Variants in GCNT1 observed in about 807,000 individuals in gnomAD.
The protein encoded by GCNT1 is glucosaminyl (N-acetyl) transferase 1.
GCNT1 carries 16 observed loss-of-function variants against 26.2 expected under a neutral mutation model. The ratio of observed to expected loss-of-function variants is 0.61; its 90% CI spans 0.41 to 0.93. GCNT1 has a LOEUF of 0.93. GCNT1 is among the 40% of genes least tolerant of loss of function. The pLI is 0.00. For synonymous variants in GCNT1, 183 were observed against 190.8 expected (o/e 0.96, Z 0.34); for missense variants, 477 against 526.7 (o/e 0.91, Z 0.92).
chr9:76,421,950 A>G (rs949461364), intron 1 of GCNT1, among the ~76,000 whole-genome samples: 1 of 152,136 alleles, frequency 6.6e-6, no homozygotes, highest in African/African-American at 2.4e-5. Context: ...TGGGTAATTT[A>G]TAAAGAAAAG....
At chr9:76,422,776 C>T (rs1823212945) in intron 1 of GCNT1, among the ~76,000 whole-genome samples, 1 of 152,206 alleles carries the variant, frequency 6.6e-6, no homozygotes, top group African/African-American at 2.4e-5. Context: ...TGGTCTCAAA[C>T]TCCTGGGCTC....
chr9:76,458,175 A>ATTTTTTTTTTTTTT (rs779648273), upstream of GCNT1, among the ~76,000 whole-genome samples: 1 of 76,212 alleles, frequency 1.3e-5, no homozygotes, highest in Non-Finnish European at 2.3e-5. Flanking sequence ...TCTGAGTTGG[A>ATTTTTTTTTTTTTT]TTTTTTTTTT....
the GCNT1 span, among the ~76,000 whole-genome samples, chr9:76,412,596 G>A: frequency 1.9e-4 from 29 of 152,208 alleles, no homozygotes; most frequent in African/African-American, 7.0e-4. Context: ...CACTCTCTTT[G>A]TAGTGATTTC....
At chr9:76,488,282 C>G (rs1824635508) in intron 2 of GCNT1, among the ~76,000 whole-genome samples, 1 of 152,216 alleles carries the variant, frequency 6.6e-6, no homozygotes, top group Non-Finnish European at 1.5e-5. Flanking sequence ...GGGAAATACT[C>G]TTGAATTATT....
chr9:76,431,495 C>T (rs532089630), intron 1 of GCNT1, among the ~76,000 whole-genome samples: 1 of 152,312 alleles, frequency 6.6e-6, no homozygotes, highest in South Asian at 2.1e-4. Context: ...AGCTTTCTTG[C>T]TCTCTCCTCT....
chr9:76,495,125 C>G (rs1011627425), intron 2 of GCNT1, among the ~76,000 whole-genome samples: 9 of 152,140 alleles, frequency 5.9e-5, no homozygotes, highest in African/African-American at 2.2e-4. Context: ...CGAAAGGGGT[C>G]CGATGGTACT....
rs375619775 is a variant in GCNT1 at position 76,482,170 on chromosome 9, A to G, written c.-289-18746A>G. Among the ~76,000 whole-genome samples the G allele has an allele frequency of 5.3e-5, 8 of 152,170 alleles. No homozygotes were observed. In the East Asian group the frequency reaches 1.3e-3, roughly 26 times the overall value. On this transcript the variant is annotated intron_variant, in intron 2 of 3. Coordinates refer to ENST00000376730, the MANE Select transcript of GCNT1 (RefSeq NM_001490.5). ...CACTTGCAAGATGTACAGAAATGCA[A>G]GCCACCCATGGCGAATTGCCTCCCA...
intron 1 of GCNT1, among the ~76,000 whole-genome samples, chr9:76,451,375 T>A (rs1587418119): frequency 6.6e-6 from 1 of 152,032 alleles, no homozygotes; most frequent in East Asian, 1.9e-4. Flanking sequence ...CTTTTGTTAA[T>A]GATAAAAGAA....
chr9:76,479,688 G>A (rs548213184), intron 2 of GCNT1, among the ~76,000 whole-genome samples: 59 of 152,254 alleles, frequency 3.9e-4, no homozygotes, highest in African/African-American at 7.2e-4. Flanking sequence ...CATATCCTTC[G>A]CCCACTTGTT....
chr9:76,399,887 A>G, the GCNT1 span, among the ~76,000 whole-genome samples: 2 of 152,220 alleles, frequency 1.3e-5, no homozygotes, highest in African/African-American at 4.8e-5. Context: ...ATGCCATACT[A>G]TTCTGTGCTA....
At chr9:76,400,170 G>A in the GCNT1 span, among the ~76,000 whole-genome samples, 2 of 152,274 alleles carry the variant, frequency 1.3e-5, no homozygotes, top group South Asian at 4.1e-4. Flanking sequence ...ATGACATTAT[G>A]CATGTATCAA....
chr9:76,418,907 G>A (rs1007100565), upstream of GCNT1, among the ~76,000 whole-genome samples: 4 of 152,188 alleles, frequency 2.6e-5, no homozygotes, highest in African/African-American at 7.2e-5. Flanking sequence ...AGAGGGGATG[G>A]AAGGCAATTG....
At chr9:76,460,329 G>C (rs1823843879) in intron 2 of GCNT1, among the ~76,000 whole-genome samples, 152 bp downstream of exon 2, 1 of 151,694 alleles carries the variant, frequency 6.6e-6, no homozygotes, top group Non-Finnish European at 1.5e-5. Context: ...GGTGTTCAAA[G>C]AAAGCCGTGG....
At position 76,503,328 on chromosome 9, in the gene GCNT1, A is replaced by G; in HGVS notation, c.947A>G (p.Tyr316Cys). 6.2e-7 allele frequency: 1 copy of G among 1,614,132 alleles called. No individual in the cohort carries two copies. The highest frequency in any genetic ancestry group is 8.5e-7 in the Non-Finnish European group (1 of 1,179,968). ...QKLMEWAQDT[Y>C]SPDEYLWATI... ...TTGATGGAGTGGGCACAAGACACAT[A>G]CAGCCCTGATGAGTATCTCTGGGCC... The change falls in exon 4 of 4, where the codon TAC (tyrosine) becomes TGC (cysteine). Residue 316 changes from tyrosine to cysteine, a missense_variant. Coordinates refer to ENST00000376730, the MANE Select transcript of GCNT1 (RefSeq NM_001490.5).
the GCNT1 span, among the ~76,000 whole-genome samples, chr9:76,399,749 A>G: frequency 1.3e-5 from 2 of 151,574 alleles, no homozygotes; most frequent in South Asian, 2.1e-4. Flanking sequence ...TTTTATTTCT[A>G]TTTTATTTTA....
the GCNT1 span, chr9:76,399,288 T>G: frequency 4.0e-5 from 57 of 1,411,618 alleles, no homozygotes; most frequent in Non-Finnish European, 5.1e-5. Flanking sequence ...CCGTGGGAGG[T>G]CATGCCTGAT....
At chr9:76,497,876 A>G (rs908264553) in intron 2 of GCNT1, among the ~76,000 whole-genome samples, 2 of 151,616 alleles carry the variant, frequency 1.3e-5, no homozygotes, top group Non-Finnish European at 2.9e-5. Flanking sequence ...TTCACATACC[A>G]TAATGTTTAC....
chr9:76,476,283 G>A (rs946695684), intron 2 of GCNT1, among the ~76,000 whole-genome samples: 1 of 152,168 alleles, frequency 6.6e-6, no homozygotes, highest in Admixed American at 6.5e-5. Context: ...TGACACACAG[G>A]ATGGGTGACC....
At chr9:76,480,999 G>A (rs1012612515) in intron 2 of GCNT1, among the ~76,000 whole-genome samples, 3 of 152,066 alleles carry the variant, frequency 2.0e-5, no homozygotes. Context: ...AGCACTTTGG[G>A]AGGCCAAGGT....
Sources: allele counts gnomAD v4.1 joint callset (sites outside exome capture counted in the v4.1 genomes callset), GRCh38; gene constraint gnomAD v4.1.1; transcripts MANE v1.5; gene names NCBI Gene and HGNC (gene_info 2026-07-23, HGNC 2026-07-21).